LAMA2: variants seen among roughly 807,000 people sequenced by gnomAD.
LAMA2 encodes the protein laminin subunit alpha 2.
In LAMA2, 269 loss-of-function variants were observed where a neutral mutation model predicts 364.8. The ratio of observed to expected loss-of-function variants is 0.74; its 90% CI spans 0.67 to 0.82. The LOEUF (loss-of-function observed/expected upper bound fraction) is 0.82, where lower values mean the gene tolerates loss of function less well. LAMA2 is among the 40% of genes least tolerant of loss of function. The pLI, the probability that LAMA2 is intolerant of heterozygous loss-of-function variation, is 0.00. For missense variants in LAMA2, 3,807 were observed against 3,873.2 expected, an observed-to-expected ratio of 0.98 and a Z score of 0.45; for synonymous variants, 1,379 against 1,370.6, an observed-to-expected ratio of 1.01 and a Z score of -0.14.
chr6:129,422,519 AG>A lies in LAMA2; in HGVS notation c.5866-5231del, dbSNP rs1383748985. 3.9e-5 allele frequency among the ~76,000 whole-genome samples: 6 copies of A among 152,098 alleles called. No homozygotes were observed. In the South Asian group the frequency reaches 1.2e-3, roughly 31 times the overall value. On this transcript the variant is annotated intron_variant, in intron 40 of 64. Coordinates refer to ENST00000421865, the MANE Select transcript of LAMA2 (RefSeq NM_000426.4). ...CAACTACCAATATCAGGAATACAAGAGGTGAAATCACTACAACTTCTGCAGA... is the reference window on the plus strand; with the variant it reads ...CAACTACCAATATCAGGAATACAAGAGTGAAATCACTACAACTTCTGCAGA...
intron 31 of LAMA2, 65 bp from the exon 32 acceptor site, chr6:129,353,099 C>A (rs1299917034): frequency 7.7e-7 from 1 of 1,293,448 alleles, no homozygotes; most frequent in Non-Finnish European, 1.1e-6. Context: ...CAAAAGACCA[C>A]ACACAACAAT....
chr6:129,005,047 A>G (rs944097267), intron 1 of LAMA2, among the ~76,000 whole-genome samples: 4 of 152,114 alleles, frequency 2.6e-5, no homozygotes, highest in Non-Finnish European at 4.4e-5. Context: ...AAGAAAAAAC[A>G]TGCTGGAAAG....
At chr6:129,346,448 C>G (rs530656789) in intron 30 of LAMA2, among the ~76,000 whole-genome samples, 1 of 152,156 alleles carries the variant, frequency 6.6e-6, no homozygotes, top group Non-Finnish European at 1.5e-5. Context: ...ACACATTTTA[C>G]TATACAGAAT....
Position 129,505,283 on chromosome 6 carries a change from C to G in LAMA2, c.8631C>G (p.Asp2877Glu). The change falls in exon 61 of 65, where the codon GAC becomes GAG. Residue 2877 changes from aspartate (D) to glutamate (E), a missense_variant. Coordinates refer to ENST00000421865, the MANE Select transcript of LAMA2 (RefSeq NM_000426.4). Reference protein sequence around the residue: ...SNRTISPKKADILDVVGMLYV... With the variant: ...SNRTISPKKAEILDVVGMLYV... ...GAACCATCAGTCCCAAAAAAGCCGA[C>G]ATCCTGGATGTCGTGGGAATGCTGT... 1 of 1,613,878 alleles carries G rather than the reference C, an allele frequency of 6.2e-7. No individual in the cohort carries two copies. Among genetic ancestry groups the G allele is most frequent in the Non-Finnish European group, 8.5e-7 (1 of 1,179,766 alleles).
At chr6:129,291,288 C>A (rs1789683283) in intron 19 of LAMA2, among the ~76,000 whole-genome samples, 1 of 152,134 alleles carries the variant, frequency 6.6e-6, no homozygotes, top group Non-Finnish European at 1.5e-5. Flanking sequence ...ACACAGCAGG[C>A]ATGTGGACTT....
intron 1 of LAMA2, among the ~76,000 whole-genome samples, chr6:129,044,204 A>G (rs1369837271): frequency 1.3e-5 from 2 of 152,076 alleles, no homozygotes; most frequent in African/African-American, 4.8e-5. Context: ...ACACATATAC[A>G]TACACACACC....
chr6:128,927,025 G>C (rs1779145207), intron 1 of LAMA2, among the ~76,000 whole-genome samples: 1 of 152,196 alleles, frequency 6.6e-6, no homozygotes, highest in Admixed American at 6.5e-5. Flanking sequence ...AAACAGTGAA[G>C]CTGAGAGCTG....
chr6:128,887,232 G>T (rs1455797827), intron 1 of LAMA2, among the ~76,000 whole-genome samples: 1 of 151,990 alleles, frequency 6.6e-6, no homozygotes, highest in Non-Finnish European at 1.5e-5. Flanking sequence ...AATTACCTGA[G>T]AAATTTTCAG....
intron 41 of LAMA2, among the ~76,000 whole-genome samples, chr6:129,430,213 T>C (rs187477870): frequency 4.6e-5 from 7 of 152,286 alleles, no homozygotes; most frequent in Admixed American, 6.5e-5. Flanking sequence ...AGAGCAAAAC[T>C]CTTGACAGCA....
intron 51 of LAMA2, among the ~76,000 whole-genome samples, chr6:129,468,570 G>T (rs557854113): frequency 5.9e-5 from 9 of 151,856 alleles, no homozygotes; most frequent in Non-Finnish European, 8.8e-5. Flanking sequence ...AAAGAAAAAT[G>T]CAAACTTCTT....
intron 18 of LAMA2, among the ~76,000 whole-genome samples, chr6:129,283,236 CAA>C (rs1267477443): frequency 6.6e-6 from 1 of 151,996 alleles, no homozygotes; most frequent in African/African-American, 2.4e-5. Flanking sequence ...ACAAAAATAA[CAA>C]AGAGACAGAA....
intron 12 of LAMA2, among the ~76,000 whole-genome samples, chr6:129,246,897 T>A (rs1466979261): frequency 1.3e-5 from 2 of 152,084 alleles, no homozygotes; most frequent in Non-Finnish European, 1.5e-5. Context: ...TTCTCAAAGC[T>A]TTTTCCCTGA....
rs1781393234 is a variant in LAMA2 at position 129,427,755 on chromosome 6, A to G, written c.5869A>G (p.Thr1957Ala). 6.2e-7 allele frequency: 1 copy of G among 1,610,978 alleles called. No individual in the cohort carries two copies. Among genetic ancestry groups the G allele is most frequent in the Non-Finnish European group, 8.5e-7 (1 of 1,177,386 alleles). ...DLAHEATKLA[T>A]GPRGLLKEDA... ...ACATTTGTTTTTCTGTCCACAGGCA[A>G]CAGGTCCTCGGGGTTTATTAAAGGA... is the stretch of plus-strand genomic sequence containing the variant. The change falls in exon 41 of 65, where the codon ACA (threonine) becomes GCA (alanine). Residue 1957 changes from threonine to alanine, a missense_variant. By Grantham distance (58) the Thr-to-Ala change is moderately conservative (BLOSUM62 0). Around this residue, in one of 3 missense-constraint regions of LAMA2, gnomAD observed 3,333 missense variants for 3,345.7 expected, o/e 1.00. Transcript: ENST00000421865.
intron 29 of LAMA2, among the ~76,000 whole-genome samples, chr6:129,331,896 T>A (rs1775678953): frequency 6.6e-6 from 1 of 152,178 alleles, no homozygotes; most frequent in African/African-American, 2.4e-5. Flanking sequence ...TGTTTGCCAC[T>A]GTGAATCACC....
At position 129,213,239 on chromosome 6, in the gene LAMA2, T is replaced by C. The variant is rs537846961; in HGVS notation, c.1782+20386T>C. Among the ~76,000 whole-genome samples the C allele has an allele frequency of 2.6e-5, 4 of 152,308 alleles. 1 individual carries two copies. The South Asian group carries it at 8.3e-4, about 32-fold the overall frequency. ...CTTTTTAGCTCTGAATACTATTTTG[T>C]TGTCTGGATATAACCACAGTTGAAT... On this transcript the variant is annotated intron_variant, in intron 12 of 64. Coordinates refer to ENST00000421865, the MANE Select transcript of LAMA2 (RefSeq NM_000426.4).
intron 1 of LAMA2, among the ~76,000 whole-genome samples, chr6:129,032,966 C>T (rs1033985965): frequency 6.6e-6 from 1 of 152,102 alleles, no homozygotes; most frequent in African/African-American, 2.4e-5. Flanking sequence ...AAACCACGAA[C>T]TCTACTTTGG....
intron 19 of LAMA2, 122 bp downstream of exon 19, chr6:129,288,180 C>G: frequency 2.5e-6 from 2 of 808,126 alleles, no homozygotes; most frequent in Middle Eastern, 2.2e-4. Flanking sequence ...TTGATAGATG[C>G]ATAGAATATA....
chr6:128,933,018 C>T (rs1373124074), intron 1 of LAMA2, among the ~76,000 whole-genome samples: 3 of 152,162 alleles, frequency 2.0e-5, no homozygotes, highest in East Asian at 3.9e-4. Context: ...TGGCAACCAC[C>T]ATTCATTCCA....
At chr6:129,315,721 G>C in intron 25 of LAMA2, 41 bp from the exon 26 acceptor site, 1 of 1,611,804 alleles carries the variant, frequency 6.2e-7, no homozygotes. Context: ...ACACCATTTG[G>C]AGATTTATCC....
Sources: gnomAD v4.1 joint callset for allele counts (sites outside exome capture counted in the v4.1 genomes callset) on GRCh38, gnomAD v4.1.1 for gene constraint, gnomAD v4.1.1 regional missense constraint, MANE v1.5 for transcripts, NCBI Gene and HGNC (gene_info 2026-07-23, HGNC 2026-07-21) for gene names.